ERBB4: variants seen among roughly 807,000 people sequenced by gnomAD.
ERBB4 encodes the protein erb-b2 receptor tyrosine kinase 4.
A neutral mutation model predicts 158.0 loss-of-function variants in ERBB4; 42 were observed. The observed-to-expected ratio is 0.27, with a 90% confidence interval of 0.21 to 0.34. The LOEUF is 0.34. ERBB4 is among the 10% of genes least tolerant of loss of function. The probability of loss-of-function intolerance (pLI) is 1.00; values close to 1 mark genes in which losing one functional copy is unlikely to be tolerated. For missense variants in ERBB4, 1,333 were observed against 1,624.1 expected (o/e 0.82, Z 3.08); for synonymous variants, 583 against 558.7 (o/e 1.04, Z -0.61).
intron 1 of ERBB4, among the ~76,000 whole-genome samples, chr2:212,239,952 G>C (rs1041664434): frequency 4.6e-5 from 7 of 152,070 alleles, no homozygotes; most frequent in Non-Finnish European, 1.0e-4. Flanking sequence ...AGTAAAAATG[G>C]GAAGTAGCAG....
rs1347967434 is a variant in ERBB4, at chr2:211,387,063, C to G, written c.3271G>C (p.Ala1091Pro). 6.2e-7 allele frequency: 1 copy of G among 1,614,004 alleles called. No homozygotes were observed. The highest frequency in any genetic ancestry group is 8.5e-7 in the Non-Finnish European group (1 of 1,179,930). Reference sequence around the variant, plus strand: ...GCAGTAGCACCCTGTGCCACAGGAGCTTCTGGAATTGTGCTAGTTGGGGCT... The same window carrying G: ...GCAGTAGCACCCTGTGCCACAGGAGGTTCTGGAATTGTGCTAGTTGGGGCT... ...YRAPTSTIPE[A>P]PVAQGATAEI... Residue 1091 changes from alanine to proline, a missense_variant, in exon 27 of 28, where the codon GCT becomes CCT. Physicochemically the swap from Ala to Pro is conservative, Grantham distance 27. Transcript: ENST00000342788.
At chr2:212,123,259 CG>C (rs2079813842) in intron 2 of ERBB4, among the ~76,000 whole-genome samples, 1 of 152,134 alleles carries the variant, frequency 6.6e-6, no homozygotes, top group Non-Finnish European at 1.5e-5. Context: ...AAAAATTAGC[CG>C]GGCGTGGCGG....
At chr2:211,400,068 C>CAGAGT (rs1486064595) in intron 25 of ERBB4, among the ~76,000 whole-genome samples, 4 of 152,108 alleles carry the variant, frequency 2.6e-5, no homozygotes, top group Admixed American at 1.3e-4. Context: ...ATCAAAATTA[C>CAGAGT]AGAGTATGAG....
At chr2:211,604,116 G>A (rs959552392) in intron 19 of ERBB4, among the ~76,000 whole-genome samples, 1 of 152,170 alleles carries the variant, frequency 6.6e-6, no homozygotes, top group Non-Finnish European at 1.5e-5. Flanking sequence ...GTCAATTGAT[G>A]TTGCAATGGC....
At chr2:212,004,013 T>A (rs769733142) in intron 2 of ERBB4, among the ~76,000 whole-genome samples, 2 of 152,228 alleles carry the variant, frequency 1.3e-5, no homozygotes, top group Non-Finnish European at 2.9e-5. Context: ...ACTTGAATAA[T>A]GTTAATTATT....
intron 2 of ERBB4, among the ~76,000 whole-genome samples, chr2:212,086,025 CA>C (rs1406042447): frequency 6.6e-6 from 1 of 151,930 alleles, no homozygotes; most frequent in Non-Finnish European, 1.5e-5. Flanking sequence ...CAATCTCTCA[CA>C]TCCTAATCAT....
At chr2:212,496,594 T>C (rs1327500618) in intron 1 of ERBB4, among the ~76,000 whole-genome samples, 1 of 152,202 alleles carries the variant, frequency 6.6e-6, no homozygotes, top group Non-Finnish European at 1.5e-5. Flanking sequence ...GAGACTACTA[T>C]AAGATAAAAT....
intron 20 of ERBB4, among the ~76,000 whole-genome samples, chr2:211,494,487 T>C (rs904977960): frequency 3.3e-5 from 5 of 152,168 alleles, no homozygotes; most frequent in African/African-American, 1.2e-4. Context: ...AGCATTATTA[T>C]TTCCCTTTGA....
intron 7 of ERBB4, among the ~76,000 whole-genome samples, chr2:211,719,257 T>G (rs1445953817): frequency 6.6e-6 from 1 of 152,198 alleles, no homozygotes; most frequent in East Asian, 1.9e-4. Flanking sequence ...AATTTCACCA[T>G]CAGTCAATGA....
At chr2:211,858,156 G>C (rs557698578) in intron 3 of ERBB4, among the ~76,000 whole-genome samples, 2 of 152,162 alleles carry the variant, frequency 1.3e-5, no homozygotes, top group Non-Finnish European at 2.9e-5. Context: ...GTGTGGAAGA[G>C]GTGAAGAAAG....
In ERBB4 at chr2:211,460,072, A is replaced by G. The variant is rs952984944; in HGVS notation, c.2488-28972T>C. 1.8e-4 allele frequency among the ~76,000 whole-genome samples: 24 copies of G among 133,942 alleles called. No individual in the cohort carries two copies. In the Admixed American group the frequency reaches 1.8e-3, roughly 10 times the overall value. 87.9% of individuals were successfully genotyped at this position (133,942 alleles called of 152,430 possible). A position where few individuals can be genotyped will look rare whatever the true frequency, so the allele number is the denominator to read the frequency against. On this transcript the variant is annotated intron_variant, in intron 20 of 27. Transcript: ENST00000342788. The stretch of plus-strand genomic sequence containing the variant: ...AGTTTCTGAAATCTCCATAATAACC[A>G]CCTTTTTCATGACCTCCTTACCCAA...
intron 3 of ERBB4, among the ~76,000 whole-genome samples, chr2:211,840,632 G>T (rs2077449966): frequency 6.6e-6 from 1 of 152,038 alleles, no homozygotes; most frequent in African/African-American, 2.4e-5. Flanking sequence ...CACAAGAATG[G>T]CTAAGCTGGT....
intron 1 of ERBB4, among the ~76,000 whole-genome samples, chr2:212,426,649 T>C (rs546333116): frequency 2.6e-5 from 4 of 152,224 alleles, no homozygotes; most frequent in South Asian, 4.1e-4. Context: ...TATTAAACTT[T>C]AGTGCTTCTT....
intron 20 of ERBB4, among the ~76,000 whole-genome samples, chr2:211,513,813 A>G (rs2065951122): frequency 6.6e-6 from 1 of 152,020 alleles, no homozygotes; most frequent in African/African-American, 2.4e-5. Flanking sequence ...TGAGGATAAT[A>G]GCTAAGGTTT....
intron 2 of ERBB4, among the ~76,000 whole-genome samples, chr2:212,119,528 G>T (rs2079679210): frequency 1.3e-5 from 2 of 152,092 alleles, no homozygotes; most frequent in South Asian, 4.1e-4. Flanking sequence ...TTGTTTTAAA[G>T]AGTTCACAAA....
chr2:211,728,433 T>C (rs1218915520), intron 5 of ERBB4, among the ~76,000 whole-genome samples: 1 of 151,690 alleles, frequency 6.6e-6, no homozygotes, highest in Non-Finnish European at 1.5e-5. Flanking sequence ...ATTTCTATCT[T>C]TTAACCAAGT....
rs78943544 is a variant in ERBB4 at position 212,471,720 on chromosome 2, A to G, written c.82+66729T>C. Among the ~76,000 whole-genome samples, 8 of 152,058 alleles carry G rather than the reference A, an allele frequency of 5.3e-5. No homozygotes were observed. The East Asian group carries it at 1.5e-3, about 29-fold the overall frequency. On this transcript the variant is annotated intron_variant, in intron 1 of 27. Transcript: ENST00000342788. ...TGTTATTAGTTCTGGAACAAAAATC[A>G]TAAAGAAGATTCAAAGTTACATTTT...
At chr2:211,852,632 C>T (rs2077746676) in intron 3 of ERBB4, among the ~76,000 whole-genome samples, 1 of 105,878 alleles carries the variant, frequency 9.4e-6, no homozygotes, top group Non-Finnish European at 2.1e-5. Flanking sequence ...GGTACAATGG[C>T]CAACTTTTTT....
intron 1 of ERBB4, among the ~76,000 whole-genome samples, chr2:212,441,240 A>G (rs943665472): frequency 1.3e-5 from 2 of 152,194 alleles, no homozygotes; most frequent in Admixed American, 6.5e-5. Flanking sequence ...AGTAGTGGCA[A>G]CATCCCCTCC....
Sources: gnomAD v4.1 joint callset for allele counts (sites outside exome capture counted in the v4.1 genomes callset) on GRCh38, gnomAD v4.1.1 for gene constraint, MANE v1.5 for transcripts, NCBI Gene and HGNC (gene_info 2026-07-23, HGNC 2026-07-21) for gene names.